MAD1L1: variants seen among roughly 807,000 people sequenced by gnomAD.
The protein encoded by MAD1L1 is mitotic spindle assembly checkpoint protein MAD1.
MAD1L1 carries 95 observed loss-of-function variants against 96.9 expected under a neutral mutation model. That is an observed-to-expected ratio of 0.98 (90% CI 0.83 to 1.16). The LOEUF (loss-of-function observed/expected upper bound fraction) is 1.16, where lower values mean the gene tolerates loss of function less well. MAD1L1 is among the 50% of genes most tolerant of loss of function. The probability of loss-of-function intolerance (pLI) is 0.00; values close to 1 mark genes in which losing one functional copy is unlikely to be tolerated. For synonymous variants in MAD1L1, 473 were observed against 396.6 expected (o/e 1.19, Z -2.29); for missense variants, 1,007 against 954.4 (o/e 1.06, Z -0.73).
intron 5 of MAD1L1, among the ~76,000 whole-genome samples, chr7:2,222,180 T>C (rs893765408): frequency 4.6e-5 from 7 of 151,702 alleles, no homozygotes; most frequent in African/African-American, 1.7e-4. Context: ...TTCAAGCGAT[T>C]CTCCTGCCTC....
chr7:2,030,601 G>T (rs558446397), intron 12 of MAD1L1, among the ~76,000 whole-genome samples: 1 of 152,316 alleles, frequency 6.6e-6, no homozygotes, highest in East Asian at 1.9e-4. Context: ...CGCAGGAGTG[G>T]AACCTGCCCA....
At chr7:1,915,668 C>T (rs1023595919) in intron 17 of MAD1L1, among the ~76,000 whole-genome samples, 2 of 152,214 alleles carry the variant, frequency 1.3e-5, no homozygotes, top group African/African-American at 2.4e-5. Flanking sequence ...AAATGTTCAG[C>T]GTTGAGTGCT....
chr7:1,980,434 T>G lies in MAD1L1; in HGVS notation c.1505+19A>C. On this transcript the variant is annotated intron_variant, in intron 15 of 18. Transcript: ENST00000265854. ...GGGGACACACCTGGGCGTGTCCGCC[T>G]CCTCTCTGGGGGACGTACCTGAGCG... 3.1e-6 allele frequency: 5 copies of G among 1,604,972 alleles called. No homozygotes were observed. The highest frequency in any genetic ancestry group is 1.1e-5 in the South Asian group (1 of 89,550).
intron 12 of MAD1L1, among the ~76,000 whole-genome samples, chr7:2,060,142 G>T (rs1241257263): frequency 6.6e-6 from 1 of 150,942 alleles, no homozygotes; most frequent in Non-Finnish European, 1.5e-5. Context: ...GAGATACGCA[G>T]ATGCCAAGAT....
At chr7:2,132,688 T>C (rs1174952447) in intron 11 of MAD1L1, among the ~76,000 whole-genome samples, 1 of 152,248 alleles carries the variant, frequency 6.6e-6, no homozygotes, top group African/African-American at 2.4e-5. Context: ...GCAATATATA[T>C]TTAAGATTCT....
intron 17 of MAD1L1, among the ~76,000 whole-genome samples, chr7:1,923,624 C>A (rs1788927911): frequency 6.6e-6 from 1 of 152,278 alleles, no homozygotes; most frequent in Non-Finnish European, 1.5e-5. Flanking sequence ...TGCCCTGTTC[C>A]AACGCTGTGG....
chr7:1,928,564 A>G (rs1313197422), intron 17 of MAD1L1, among the ~76,000 whole-genome samples: 1 of 152,230 alleles, frequency 6.6e-6, no homozygotes, highest in Non-Finnish European at 1.5e-5. Context: ...GGACTGGGCC[A>G]AACAGGCATG....
chr7:2,131,716 C>T (rs1314817806), intron 11 of MAD1L1, among the ~76,000 whole-genome samples: 1 of 152,194 alleles, frequency 6.6e-6, no homozygotes, highest in Non-Finnish European at 1.5e-5. Context: ...CACACGCCTC[C>T]CCAGGGGTGC....
intron 11 of MAD1L1, among the ~76,000 whole-genome samples, chr7:2,094,015 G>A (rs753771410): frequency 6.6e-6 from 1 of 152,222 alleles, no homozygotes; most frequent in Non-Finnish European, 1.5e-5. Context: ...CCACGCGGGC[G>A]CAGACGGTCG....
chr7:2,137,555 G>A (rs3778996), intron 11 of MAD1L1, among the ~76,000 whole-genome samples: 42,704 of 152,038 alleles, frequency 0.28, 7,428 homozygotes, highest in East Asian at 0.51. Flanking sequence ...CTCTGGCCCA[G>A]GTGAGTGAGG....
intron 11 of MAD1L1, among the ~76,000 whole-genome samples, chr7:2,102,262 C>T (rs1427377710): frequency 3.3e-5 from 5 of 150,646 alleles, no homozygotes; most frequent in African/African-American, 1.2e-4. Context: ...GTCACCATCA[C>T]CACCATCACT....
chr7:1,824,001 G>T (rs371996925), intron 18 of MAD1L1, among the ~76,000 whole-genome samples: 1 of 152,168 alleles, frequency 6.6e-6, no homozygotes, highest in Non-Finnish European at 1.5e-5. Flanking sequence ...GCCCATTTGT[G>T]GGGGGACGGA....
At chr7:2,175,425 A>G (rs1052352562) in intron 10 of MAD1L1, 1 of 145,518 alleles carries the variant, frequency 6.9e-6, no homozygotes, top group Non-Finnish European at 1.5e-5. Context: ...CAACTCTCCA[A>G]TTACATTCCA....
At chr7:1,941,619 C>T (rs55678474) in intron 16 of MAD1L1, among the ~76,000 whole-genome samples, 19,347 of 152,248 alleles carry the variant, frequency 0.13, 2,250 homozygotes, top group African/African-American at 0.3. Context: ...CCTCCTCAGC[C>T]GCTACGCATG....
At chr7:2,125,859 C>A (rs1447087228) in intron 11 of MAD1L1, among the ~76,000 whole-genome samples, 2 of 150,524 alleles carry the variant, frequency 1.3e-5, no homozygotes, top group African/African-American at 4.9e-5. Flanking sequence ...GGAGAACGGA[C>A]TACCTGAAAG....
At position 2,225,406 on chromosome 7, in the gene MAD1L1, C is replaced by G. The variant is rs757599480; in HGVS notation, c.291+4G>C. The G allele has an allele frequency of 6.2e-7, 1 of 1,612,734 alleles. No individual in the cohort carries two copies. The highest frequency in any genetic ancestry group is 2.2e-5 in the East Asian group (1 of 44,884). Reference sequence around the variant, plus strand: ...GGGCCGACCCTCGCCCCGCCTGAACCCACCTCGTAGTTCCTGGCACTGGTG... The same window carrying G: ...GGGCCGACCCTCGCCCCGCCTGAACGCACCTCGTAGTTCCTGGCACTGGTG... On this transcript the variant is annotated splice_donor_region_variant and intron_variant, in intron 4 of 18. Transcript: ENST00000265854.
At chr7:2,129,352 A>G (rs1314636398) in intron 11 of MAD1L1, among the ~76,000 whole-genome samples, 2 of 152,226 alleles carry the variant, frequency 1.3e-5, no homozygotes, top group Non-Finnish European at 1.5e-5. Context: ...ATAGAAGAGT[A>G]AAAGGTCTGT....
At chr7:2,167,657 G>C (rs1790504363) in intron 10 of MAD1L1, among the ~76,000 whole-genome samples, 1 of 152,068 alleles carries the variant, frequency 6.6e-6, no homozygotes, top group African/African-American at 2.4e-5. Flanking sequence ...TTGAGCCCGG[G>C]AGTTCGAGGC....
intron 18 of MAD1L1, among the ~76,000 whole-genome samples, chr7:1,886,215 T>C (rs562625483): frequency 6.6e-6 from 1 of 152,314 alleles, no homozygotes; most frequent in East Asian, 1.9e-4. Flanking sequence ...AAGGGGCTTG[T>C]CCTCTGGGGG....
Sources: allele counts gnomAD v4.1 joint callset (sites outside exome capture counted in the v4.1 genomes callset), GRCh38; gene constraint gnomAD v4.1.1; transcripts MANE v1.5; gene names NCBI Gene and HGNC (gene_info 2026-07-23, HGNC 2026-07-21).